Variants in KLF16 observed in about 807,000 individuals in gnomAD.
The protein encoded by KLF16 is KLF transcription factor 16, also known as Krueppel-like factor 16.
In KLF16, 6 loss-of-function variants were observed where a neutral mutation model predicts 6.1. That is an observed-to-expected ratio of 0.98 (90% CI 0.54 to 1.93). The LOEUF (loss-of-function observed/expected upper bound fraction) is 1.93. KLF16 is among the 30% of genes most tolerant of loss of function. The pLI is 0.01. For missense variants in KLF16, 355 were observed against 363.8 expected (o/e 0.98, Z 0.20); for synonymous variants, 211 against 176.5 (o/e 1.20, Z -1.55).
intron 1 of KLF16, among the ~76,000 whole-genome samples, chr19:1,856,933 A>C: frequency 1.1e-5 from 1 of 93,446 alleles, no homozygotes; most frequent in Non-Finnish European, 1.9e-5. Context: ...TCCACTTTGC[A>C]AGGAGGAGCA....
upstream of KLF16, among the ~76,000 whole-genome samples, chr19:1,863,928 GGCGCGCCCCACTCCAGC>G (rs1320745744): frequency 9.6e-6 from 1 of 104,340 alleles, no homozygotes; most frequent in East Asian, 2.9e-4. Flanking sequence ...GCCCCCTCCC[GGCGCGCCCCACTCCAGC>G]GCGCGCCCCC....
the KLF16 span, among the ~76,000 whole-genome samples, chr19:1,872,553 A>G: frequency 6.6e-6 from 1 of 152,278 alleles, no homozygotes; most frequent in African/African-American, 2.4e-5. Context: ...TCGCGCTCTT[A>G]TCCTCCACGG....
At chr19:1,872,138 G>A in the KLF16 span, among the ~76,000 whole-genome samples, 1 of 152,024 alleles carries the variant, frequency 6.6e-6, no homozygotes, top group African/African-American at 2.4e-5. Flanking sequence ...GTGGTTTTTC[G>A]TTGTTTTTTT....
chr19:1,863,375 CAGGCCGGCGGCGGGGCCCGCGCCCTCG>C lies in KLF16; in HGVS notation c.96_122del (p.Glu33_Leu41del). On this transcript the variant is annotated inframe_deletion, in exon 1 of 2. Coordinates refer to ENST00000250916, the MANE Select transcript of KLF16 (RefSeq NM_031918.4). ...CCTCGCGGCGCGCCGCGCGCACATC[CAGGCCGGCGGCGGGGCCCGCGCCCTCG>C]GGGCCGGGCCGCCCGCGGTGCACCA... The C allele has an allele frequency of 1.0e-6, 1 of 982,160 alleles. No homozygotes were observed. Among genetic ancestry groups the C allele is most frequent in the East Asian group, 1.2e-4 (1 of 8,632 alleles). 60.8% of individuals were successfully genotyped at this position (982,160 alleles called of 1,614,324 possible).
At position 1,857,697 on chromosome 19, in the gene KLF16, C is replaced by G. The variant is rs887485742; in HGVS notation, c.458-2937G>C. Among the ~76,000 whole-genome samples, 25 of 151,976 alleles carry G rather than the reference C, an allele frequency of 1.6e-4. No individual in the cohort carries two copies. Among genetic ancestry groups the G allele is most frequent in the African/African-American group, 5.8e-4 (24 of 41,360 alleles). ...GAGGGGGGCTGTGGCCGGCTGCCTG[C>G]CGGGGCACTCACGTCCACCTAACAG... On this transcript the variant is annotated intron_variant, in intron 1 of 1. Coordinates refer to ENST00000250916, the MANE Select transcript of KLF16 (RefSeq NM_031918.4). This position sits in a 1 kb window ranked among gnomAD's most constrained non-coding sequence, Gnocchi z 4.7.
chr19:1,854,315 GC>G lies in KLF16; in HGVS notation c.*143del. On this transcript the variant is annotated 3_prime_UTR_variant, in exon 2 of 2. Transcript: ENST00000250916. ...CAGGCAGACCCAGGTCCAGTCTCAG[GC>G]CCCCTCCTCACTCTCTGGAGGGGGG... The G allele has an allele frequency of 9.6e-7, 1 of 1,038,004 alleles. No homozygotes were observed. Among genetic ancestry groups the G allele is most frequent in the Non-Finnish European group, 1.3e-6 (1 of 784,136 alleles). 64.3% of individuals were successfully genotyped at this position (1,038,004 alleles called of 1,614,324 possible). A position where few individuals can be genotyped will look rare whatever the true frequency, so the allele number is the denominator to read the frequency against.
chr19:1,872,739 G>A, the KLF16 span, among the ~76,000 whole-genome samples: 8 of 152,170 alleles, frequency 5.3e-5, no homozygotes, highest in East Asian at 1.5e-3. Context: ...GGGAGCGCGG[G>A]CCTGGCCGGG....
rs1357540467 is a variant in KLF16, at chr19:1,857,404, G to T, written c.458-2644C>A. On this transcript the variant is annotated intron_variant, in intron 1 of 1. Transcript: ENST00000250916. This position sits in a 1 kb window ranked among gnomAD's most constrained non-coding sequence, Gnocchi z 4.7. The stretch of plus-strand genomic sequence containing the variant: ...AGACGCAGCGCCCTGAGGATGCGGT[G>T]GGTGGGGACAACGCGGGAGGGCAGT... Among the ~76,000 whole-genome samples the T allele has an allele frequency of 6.6e-6, 1 of 152,248 alleles. No homozygotes were observed. The highest frequency in any genetic ancestry group is 1.5e-5 in the Non-Finnish European group (1 of 68,040).
the KLF16 span, among the ~76,000 whole-genome samples, chr19:1,872,768 G>A: frequency 4.6e-5 from 7 of 152,082 alleles, no homozygotes; most frequent in East Asian, 3.9e-4. Flanking sequence ...TACTTCTCTC[G>A]GTGGGGAAGC....
the KLF16 span, among the ~76,000 whole-genome samples, chr19:1,873,392 AC>A: frequency 6.6e-6 from 1 of 151,980 alleles, no homozygotes; most frequent in Admixed American, 6.5e-5. Context: ...CCTCTGCCAC[AC>A]CCACAGCCAT....
intron 1 of KLF16, among the ~76,000 whole-genome samples, chr19:1,856,952 G>A (rs1043891008): frequency 3.2e-5 from 4 of 123,902 alleles, no homozygotes; most frequent in Non-Finnish European, 6.9e-5. Context: ...CAGGTTGCCG[G>A]GGTGGGGGGG....
intron 1 of KLF16, among the ~76,000 whole-genome samples, chr19:1,856,453 T>C (rs953864893): frequency 6.6e-6 from 1 of 151,728 alleles, no homozygotes; most frequent in South Asian, 2.1e-4. Context: ...CCCCAAGAGG[T>C]TGTGAATCCA....
chr19:1,853,299 A>T lies in KLF16; in HGVS notation c.*1160T>A, dbSNP rs1286652618. 6.6e-6 allele frequency: 1 copy of T among 152,284 alleles called. No individual in the cohort carries two copies. Among genetic ancestry groups the T allele is most frequent in the Non-Finnish European group, 1.5e-5 (1 of 68,144 alleles). The allele number at this position is 152,284 out of a possible 1,614,324, so 9.4% of individuals were successfully genotyped here. A position where few individuals can be genotyped will look rare whatever the true frequency, so the allele number is the denominator to read the frequency against. On this transcript the variant is annotated 3_prime_UTR_variant, in exon 2 of 2. Transcript: ENST00000250916. ...TGAAAAAATATTCTACCCGGTGCAAAAAAAACGAGCTACCCCAGGAGGCTG... is the reference window on the plus strand; with the variant it reads ...TGAAAAAATATTCTACCCGGTGCAATAAAAACGAGCTACCCCAGGAGGCTG...
intron 1 of KLF16, chr19:1,862,740 GC>G: frequency 2.8e-6 from 1 of 356,000 alleles, no homozygotes; most frequent in Non-Finnish European, 5.0e-6. Flanking sequence ...ACGGAACAAG[GC>G]CCAGAAAGGG....
intron 1 of KLF16, chr19:1,862,806 C>A (rs2012095157): frequency 2.8e-6 from 1 of 360,260 alleles, no homozygotes; most frequent in East Asian, 3.9e-5. Flanking sequence ...CGCTGGGCCC[C>A]CGGAGCCCCC....
upstream of KLF16, among the ~76,000 whole-genome samples, chr19:1,867,678 C>G (rs1396715574): frequency 6.6e-6 from 1 of 151,912 alleles, no homozygotes; most frequent in African/African-American, 2.4e-5. Flanking sequence ...ACAGCCTGGT[C>G]GACATGATGA....
At chr19:1,867,693 C>T (rs1326208846), upstream of KLF16, among the ~76,000 whole-genome samples, 1 of 152,054 alleles carries the variant, frequency 6.6e-6, no homozygotes. Flanking sequence ...TGATGAAACC[C>T]TGTCTCTACG....
chr19:1,854,223 AAGTT>A lies in KLF16; in HGVS notation c.*232_*235del, dbSNP rs1341766284. ...GGGCCCCGTTGCACAGATGGGAAGA[AAGTT>A]AGTATCATGGCTATTTACAGACACA... On this transcript the variant is annotated 3_prime_UTR_variant, in exon 2 of 2. Transcript: ENST00000250916. 4.5e-5 allele frequency: 21 copies of A among 462,558 alleles called. No homozygotes were observed. Among genetic ancestry groups the A allele is most frequent in the African/African-American group, 8.2e-5 (4 of 48,894 alleles). 28.7% of individuals were successfully genotyped at this position (462,558 alleles called of 1,614,324 possible). A position where few individuals can be genotyped will look rare whatever the true frequency, so the allele number is the denominator to read the frequency against.
upstream of KLF16, among the ~76,000 whole-genome samples, chr19:1,864,961 G>A (rs12972800): frequency 0.39 from 59,412 of 152,144 alleles, 14,128 homozygotes; most frequent in Non-Finnish European, 0.54. Context: ...GCTCTGGGTT[G>A]GGCATGGACA....
Sources: gnomAD v4.1 joint callset for allele counts (sites outside exome capture counted in the v4.1 genomes callset) on GRCh38, gnomAD v4.1.1 for gene constraint, Gnocchi (gnomAD v3.1) non-coding constraint, MANE v1.5 for transcripts, NCBI Gene and HGNC (gene_info 2026-07-23, HGNC 2026-07-21) for gene names.